Variants in TMEM170B observed in about 807,000 individuals in gnomAD.
TMEM170B encodes transmembrane protein 170B.
Under a neutral mutation model 13.0 loss-of-function variants are expected in TMEM170B, and 6 were observed. The ratio of observed to expected loss-of-function variants is 0.46; its 90% CI spans 0.25 to 0.91. The LOEUF (loss-of-function observed/expected upper bound fraction) is 0.91, where lower values mean the gene tolerates loss of function less well. Among genes scored for constraint, TMEM170B ranks in the 40% least tolerant of loss-of-function variants. TMEM170B has a pLI of 0.17. For synonymous variants in TMEM170B, 61 were observed against 64.9 expected, an observed-to-expected ratio of 0.94 and a Z score of 0.29; for missense variants, 138 against 165.2, an observed-to-expected ratio of 0.84 and a Z score of 0.90.
intron 1 of TMEM170B, among the ~76,000 whole-genome samples, chr6:11,543,746 T>C (rs530611251): frequency 1.3e-5 from 2 of 152,304 alleles, no homozygotes; most frequent in East Asian, 3.9e-4. Context: ...ATTTGCTTAA[T>C]AGGCATTCTG....
chr6:11,557,945 C>G (rs1368929779), intron 1 of TMEM170B, among the ~76,000 whole-genome samples: 1 of 152,010 alleles, frequency 6.6e-6, no homozygotes, highest in Non-Finnish European at 1.5e-5. Flanking sequence ...GGTCTCACTC[C>G]ATTGCCCAGG....
At chr6:11,544,172 G>C (rs1238854281) in intron 1 of TMEM170B, among the ~76,000 whole-genome samples, 1 of 152,088 alleles carries the variant, frequency 6.6e-6, no homozygotes, top group Non-Finnish European at 1.5e-5. Flanking sequence ...GGTCGAGAGA[G>C]AATAAATATT....
rs1315391147 is a variant in TMEM170B, at chr6:11,581,761, C to T, written c.*6200C>T. The T allele has an allele frequency of 1.3e-5, 2 of 152,128 alleles. No homozygotes were observed. The highest frequency in any genetic ancestry group is 1.9e-4 in the East Asian group (1 of 5,204). 9.4% of individuals were successfully genotyped at this position (152,128 alleles called of 1,614,324 possible). ...AACTCGAGAGTACTACTGATGATGA[C>T]GCTTCTCTTGTTTTTAAAGTATTTA... On this transcript the variant is annotated 3_prime_UTR_variant, in exon 3 of 3. Coordinates refer to ENST00000379426, the MANE Select transcript of TMEM170B (RefSeq NM_001100829.3).
intron 2 of TMEM170B, among the ~76,000 whole-genome samples, chr6:11,570,056 G>T (rs1759781161): frequency 6.6e-6 from 1 of 152,024 alleles, no homozygotes; most frequent in South Asian, 2.1e-4. Context: ...CGCTCAAAAA[G>T]TATGATAATG....
Position 11,566,882 on chromosome 6 carries a change from G to A in TMEM170B, c.268+1046G>A, listed in dbSNP as rs190756628. Reference sequence around the variant, plus strand: ...ATCTGAGGCTTTCTTCCGTTTTCCGGTGGAATGCCCCCAAAGGTCATACTC... The same window carrying A: ...ATCTGAGGCTTTCTTCCGTTTTCCGATGGAATGCCCCCAAAGGTCATACTC... On this transcript the variant is annotated intron_variant, in intron 2 of 2. Coordinates refer to ENST00000379426, the MANE Select transcript of TMEM170B (RefSeq NM_001100829.3). Among the ~76,000 whole-genome samples, 6 of 152,356 alleles carry A rather than the reference G, an allele frequency of 3.9e-5. No individual in the cohort carries two copies. The East Asian group carries it at 7.7e-4, about 20-fold the overall frequency.
chr6:11,568,313 A>G (rs1759761225), intron 2 of TMEM170B, among the ~76,000 whole-genome samples: 1 of 152,188 alleles, frequency 6.6e-6, no homozygotes, highest in Non-Finnish European at 1.5e-5. Flanking sequence ...TGGCATACAA[A>G]CAGATATGAA....
chr6:11,549,894 G>A (rs1759501069), intron 1 of TMEM170B, among the ~76,000 whole-genome samples: 1 of 151,794 alleles, frequency 6.6e-6, no homozygotes, highest in African/African-American at 2.4e-5. Context: ...AATGAAAATA[G>A]CTTTGAGGAA....
chr6:11,568,201 G>A (rs1019343948), intron 2 of TMEM170B, among the ~76,000 whole-genome samples: 1 of 152,130 alleles, frequency 6.6e-6, no homozygotes, highest in Non-Finnish European at 1.5e-5. Flanking sequence ...CTAAACTTGA[G>A]GCCAGGTTCT....
chr6:11,546,839 TTC>T (rs1219014800), intron 1 of TMEM170B, among the ~76,000 whole-genome samples: 1 of 152,226 alleles, frequency 6.6e-6, no homozygotes, highest in African/African-American at 2.4e-5. Flanking sequence ...AATGACACAT[TTC>T]TCAGAATGTA....
In TMEM170B at chr6:11,579,939, A is replaced by G. The variant is rs1389826657; in HGVS notation, c.*4378A>G. 6.6e-6 allele frequency: 1 copy of G among 152,240 alleles called. No individual in the cohort carries two copies. Among genetic ancestry groups the G allele is most frequent in the Non-Finnish European group, 1.5e-5 (1 of 68,060 alleles). 9.4% of individuals were successfully genotyped at this position (152,240 alleles called of 1,614,324 possible). A position where few individuals can be genotyped will look rare whatever the true frequency, so the allele number is the denominator to read the frequency against. On this transcript the variant is annotated 3_prime_UTR_variant, in exon 3 of 3. Transcript: ENST00000379426. ...AGTGCCAATTCTGTAGAAAAATAGA[A>G]CGATATTCAGTGTCTACCAAGTTCT...
chr6:11,558,712 C>T (rs1353266738), intron 1 of TMEM170B, among the ~76,000 whole-genome samples: 1 of 152,116 alleles, frequency 6.6e-6, no homozygotes, highest in Admixed American at 6.5e-5. Flanking sequence ...TTCTTGGGAC[C>T]TTTCTTGACA....
chr6:11,559,968 A>G (rs1759640783), intron 1 of TMEM170B, among the ~76,000 whole-genome samples: 1 of 151,860 alleles, frequency 6.6e-6, no homozygotes, highest in Non-Finnish European at 1.5e-5. Context: ...TGAGGATTAA[A>G]AAAATAGTCT....
At chr6:11,562,231 C>T (rs1207642609) in intron 1 of TMEM170B, among the ~76,000 whole-genome samples, 6 of 151,836 alleles carry the variant, frequency 4.0e-5, no homozygotes, top group African/African-American at 1.2e-4. Flanking sequence ...CTGTATCTTT[C>T]AATATGCAAA....
chr6:11,549,658 G>A (rs1759497664), intron 1 of TMEM170B, among the ~76,000 whole-genome samples: 2 of 147,818 alleles, frequency 1.4e-5, no homozygotes, highest in Non-Finnish European at 1.5e-5. Flanking sequence ...GCGAGACTCC[G>A]TCTCAAAAAA....
At position 11,572,793 on chromosome 6, in the gene TMEM170B, C is replaced by G. The variant is rs1206895144; in HGVS notation, c.269-2638C>G. On this transcript the variant is annotated intron_variant, in intron 2 of 2. Transcript: ENST00000379426. ...ACATTCATTCATACATATTTACATA[C>G]ATACCGCATACATACACACATACAT... Among the ~76,000 whole-genome samples the G allele has an allele frequency of 3.3e-5, 5 of 152,224 alleles. No individual in the cohort carries two copies. The South Asian group carries it at 1.0e-3, about 32-fold the overall frequency.
intron 1 of TMEM170B, among the ~76,000 whole-genome samples, chr6:11,546,656 T>C (rs962908469): frequency 2.6e-5 from 4 of 152,228 alleles, no homozygotes; most frequent in African/African-American, 9.6e-5. Flanking sequence ...ACACAAATAC[T>C]TCCCATTGTG....
chr6:11,562,717 A>G (rs12194522), intron 1 of TMEM170B, among the ~76,000 whole-genome samples: 8,794 of 152,244 alleles, frequency 0.058, 275 homozygotes, highest in East Asian at 0.16. Flanking sequence ...CCAGGATATT[A>G]ACATTGATGC....
chr6:11,538,964 C>G (rs761141893), intron 1 of TMEM170B, among the ~76,000 whole-genome samples: 1 of 152,130 alleles, frequency 6.6e-6, no homozygotes, highest in Non-Finnish European at 1.5e-5. Flanking sequence ...CCTTCCCCTC[C>G]CATTTCCTTT....
intron 1 of TMEM170B, among the ~76,000 whole-genome samples, chr6:11,547,475 A>G (rs955686815): frequency 1.3e-5 from 2 of 152,222 alleles, no homozygotes; most frequent in Non-Finnish European, 2.9e-5. Context: ...CCCTAAAGAT[A>G]TATGCTACTT....
Sources: gnomAD v4.1 joint callset for allele counts (sites outside exome capture counted in the v4.1 genomes callset) on GRCh38, gnomAD v4.1.1 for gene constraint, MANE v1.5 for transcripts, NCBI Gene and HGNC (gene_info 2026-07-23, HGNC 2026-07-21) for gene names.